The following MTMR6 variants were observed in gnomAD, a reference collection of about 807,000 sequenced individuals.
MTMR6 encodes the protein myotubularin related protein 6.
MTMR6 carries 47 observed loss-of-function variants against 80.1 expected under a neutral mutation model. That is an observed-to-expected ratio of 0.59 (90% CI 0.46 to 0.75). The LOEUF (loss-of-function observed/expected upper bound fraction) is 0.75. Ranked by LOEUF, MTMR6 falls within the 30% of genes least tolerant of loss-of-function variation. MTMR6 has a pLI of 0.00. For synonymous variants in MTMR6, 254 were observed against 253.0 expected, an observed-to-expected ratio of 1.00 and a Z score of -0.04; for missense variants, 629 against 730.9, an observed-to-expected ratio of 0.86 and a Z score of 1.61.
At chr13:25,279,215 G>T (rs1319751591) in intron 1 of MTMR6, among the ~76,000 whole-genome samples, 1 of 152,146 alleles carries the variant, frequency 6.6e-6, no homozygotes, top group African/African-American at 2.4e-5. Context: ...CTGGTGGGAG[G>T]TGATTGGATC....
In MTMR6 at chr13:25,257,264, T is replaced by A; in HGVS notation, c.1027A>T (p.Thr343Ser). 1.2e-6 allele frequency: 2 copies of A among 1,613,886 alleles called. No homozygotes were observed. The highest frequency in any genetic ancestry group is 2.2e-5 in the South Asian group (2 of 91,078). ...LVHCSDGWDR[T>S]SQVCSLGSLL... The stretch of plus-strand genomic sequence containing the variant: ...GAACCCAGGGAACAAACCTGGGAAG[T>A]CCTATCCCAACCATCGGAACAATGC... Residue 343 changes from threonine to serine, a missense_variant, in exon 9 of 14, where the codon ACT becomes TCT. Transcript: ENST00000381801.
intron 10 of MTMR6, 71 bp from the exon 11 acceptor site, chr13:25,254,035 T>A: frequency 6.9e-7 from 1 of 1,448,242 alleles, no homozygotes; most frequent in Non-Finnish European, 9.5e-7. Flanking sequence ...TTGTTAATCT[T>A]AAACATACAA....
rs1566032287 is a variant in MTMR6, at chr13:25,247,513, G to A, written c.*1719C>T. The A allele has an allele frequency of 1.3e-5, 2 of 152,258 alleles. No homozygotes were observed. The highest frequency in any genetic ancestry group is 2.9e-5 in the Non-Finnish European group (2 of 68,008). 9.4% of individuals were successfully genotyped at this position (152,258 alleles called of 1,614,324 possible). On this transcript the variant is annotated 3_prime_UTR_variant, in exon 14 of 14. Transcript: ENST00000381801. ...GATAATAAACCAGAGTTGAATACAAGAAGTCAGCCACAGAAGATTCTAAAA... is the reference window on the plus strand; with the variant it reads ...GATAATAAACCAGAGTTGAATACAAAAAGTCAGCCACAGAAGATTCTAAAA...
In MTMR6 at chr13:25,247,465, A is replaced by G. The variant is rs8262; in HGVS notation, c.*1767T>C. 97,133 of 152,468 alleles carry G rather than the reference A, an allele frequency of 0.64. 35,596 individuals carry two copies. The highest frequency in any genetic ancestry group is 0.84 in the Non-Finnish European group (56,816 of 67,978). The allele number at this position is 152,468 out of a possible 1,614,324, so 9.4% of individuals were successfully genotyped here. On this transcript the variant is annotated 3_prime_UTR_variant, in exon 14 of 14. Coordinates refer to ENST00000381801, the MANE Select transcript of MTMR6 (RefSeq NM_004685.5). ...CCTGTGAGCATATAAACACACAAAT[A>G]TATGTCTGAAGTTGAAGATTAAGAT...
chr13:25,257,661 G>T, intron 8 of MTMR6, 75 bp downstream of exon 8: 1 of 1,031,680 alleles, frequency 9.7e-7, no homozygotes. Context: ...ATAGATACCA[G>T]CCCCCAACAG....
At chr13:25,253,523 C>T (rs1248275373) in intron 11 of MTMR6, among the ~76,000 whole-genome samples, 4 of 152,118 alleles carry the variant, frequency 2.6e-5, no homozygotes, top group Non-Finnish European at 5.9e-5. Flanking sequence ...TCACACTTAA[C>T]GCTCTATGTA....
rs768905988 is a variant in MTMR6, at chr13:25,254,366, C to CT, written c.1145+18dup. 2.6e-6 allele frequency: 4 copies of CT among 1,530,826 alleles called. No homozygotes were observed. The South Asian group carries it at 3.4e-5, about 13-fold the overall frequency. The allele number at this position is 1,530,826 out of a possible 1,614,324, so 94.8% of individuals were successfully genotyped here. ...TTTACTAATTTTATAAAATATATGA[C>CT]TGTGTAACTGTGACTCACCTCTCTG... On this transcript the variant is annotated intron_variant, in intron 10 of 13. Coordinates refer to ENST00000381801, the MANE Select transcript of MTMR6 (RefSeq NM_004685.5).
rs1219928795 is a variant in MTMR6 at position 25,253,943 on chromosome 13, G to A, written c.1167C>T (p.Asp389=). 6.2e-7 allele frequency: 1 copy of A among 1,614,114 alleles called. No individual in the cohort carries two copies. The highest frequency in any genetic ancestry group is 1.7e-5 in the Admixed American group (1 of 60,010). The stretch of plus-strand genomic sequence containing the variant: ...TAAACACTGGTGAGACTTCCTTTGG[G>A]TCACCATCCAACTGGCCACACCTAA... The part of the protein sequence containing the change: ...FSERCGQLDG[D]PKEVSPVFTQ... Residue 389 remains aspartate (D), a synonymous_variant, in exon 11 of 14, where the codon GAC becomes GAT. Transcript: ENST00000381801.
At chr13:25,281,829 A>G (rs566233973) in intron 1 of MTMR6, among the ~76,000 whole-genome samples, 24 of 152,320 alleles carry the variant, frequency 1.6e-4, no homozygotes, top group African/African-American at 5.3e-4. Flanking sequence ...ATGTATCCCA[A>G]TTTCTAGAAC....
At chr13:25,281,269 A>G (rs777213081) in intron 1 of MTMR6, among the ~76,000 whole-genome samples, 12 of 152,092 alleles carry the variant, frequency 7.9e-5, no homozygotes, top group Admixed American at 2.6e-4. Flanking sequence ...CCCAGGAGGT[A>G]GAGGCTGCAA....
In MTMR6 at chr13:25,287,482, C is replaced by T. The variant is rs1957978103; in HGVS notation, c.-235G>A. 4 of 566,950 alleles carry T rather than the reference C, an allele frequency of 7.1e-6. No homozygotes were observed. The highest frequency in any genetic ancestry group is 1.3e-5 in the Non-Finnish European group (4 of 315,688). 35.1% of individuals were successfully genotyped at this position (566,950 alleles called of 1,614,324 possible). On this transcript the variant is annotated 5_prime_UTR_variant, in exon 1 of 14. Transcript: ENST00000381801. ...GGGGACTCGGGGCAGGCAGACAGAGCGTGTGTGGACCGAGAGCGGCTTGCT... is the reference window on the plus strand; with the variant it reads ...GGGGACTCGGGGCAGGCAGACAGAGTGTGTGTGGACCGAGAGCGGCTTGCT...
At position 25,251,447 on chromosome 13, in the gene MTMR6, T is replaced by C. The variant is rs1436302211; in HGVS notation, c.1605+202A>G. Among the ~76,000 whole-genome samples, 4 of 152,252 alleles carry C rather than the reference T, an allele frequency of 2.6e-5. No homozygotes were observed. Among genetic ancestry groups the C allele is most frequent in the African/African-American group, 7.2e-5 (3 of 41,472 alleles). Reference sequence around the variant, plus strand: ...ATGTTTATCTATACGTTATGCTATATACTTCCGGTATTTTAATGTATTTTA... The same window carrying C: ...ATGTTTATCTATACGTTATGCTATACACTTCCGGTATTTTAATGTATTTTA... On this transcript the variant is annotated intron_variant, in intron 13 of 13. Transcript: ENST00000381801. This position sits in a 1 kb window ranked among gnomAD's most constrained non-coding sequence, Gnocchi z 4.1.
At chr13:25,270,540 TA>T (rs1367062682) in intron 2 of MTMR6, among the ~76,000 whole-genome samples, 1 of 152,102 alleles carries the variant, frequency 6.6e-6, no homozygotes, top group Non-Finnish European at 1.5e-5. Context: ...AGATGGATAA[TA>T]GAGAAAATAC....
At chr13:25,269,067 G>A (rs2137580759) in intron 2 of MTMR6, among the ~76,000 whole-genome samples, 1 of 152,272 alleles carries the variant, frequency 6.6e-6, no homozygotes. Flanking sequence ...GCCCCTAGCT[G>A]CCTTGGCCCC....
chr13:25,284,008 A>T (rs926005967), intron 1 of MTMR6, among the ~76,000 whole-genome samples: 2 of 152,252 alleles, frequency 1.3e-5, no homozygotes, highest in African/African-American at 4.8e-5. Context: ...TGACCAAAAC[A>T]GAATGATAAA....
intron 1 of MTMR6, among the ~76,000 whole-genome samples, chr13:25,277,651 T>C (rs1418742572): frequency 1.3e-5 from 2 of 152,240 alleles, no homozygotes; most frequent in Admixed American, 6.5e-5. Context: ...TCAGTAATTC[T>C]TGAATAAACC....
chr13:25,253,812 T>C lies in MTMR6; in HGVS notation c.1298A>G (p.Gln433Arg), dbSNP rs1044879824. Residue 433 changes from glutamine (Q) to arginine (R), a missense_variant, in exon 11 of 14, where the codon CAG (glutamine) becomes CGG (arginine). Transcript: ENST00000381801. ...LQIHEHIHSC[Q>R]FGNFLGNCQK... ...ACAATTTCCAAGGAAGTTTCCAAAC[T>C]GGCATGAATGAATATGCTCATGGAT... 1 of 1,614,146 alleles carries C rather than the reference T, an allele frequency of 6.2e-7. No individual in the cohort carries two copies. Among genetic ancestry groups the C allele is most frequent in the Non-Finnish European group, 8.5e-7 (1 of 1,180,008 alleles).
intron 1 of MTMR6, among the ~76,000 whole-genome samples, chr13:25,284,943 C>T (rs1957925860): frequency 6.6e-6 from 1 of 152,180 alleles, no homozygotes; most frequent in Non-Finnish European, 1.5e-5. Context: ...CTTAATATTA[C>T]TCCAGAGTAG....
At chr13:25,254,550 A>C in intron 9 of MTMR6, 116 bp from the exon 10 acceptor site, 1 of 707,652 alleles carries the variant, frequency 1.4e-6, no homozygotes, top group Non-Finnish European at 2.3e-6. Context: ...ACTTATAAAC[A>C]AAACAGCACA....
Sources: gnomAD v4.1 joint callset for allele counts (sites outside exome capture counted in the v4.1 genomes callset) on GRCh38, gnomAD v4.1.1 for gene constraint, Gnocchi (gnomAD v3.1) non-coding constraint, MANE v1.5 for transcripts, NCBI Gene and HGNC (gene_info 2026-07-23, HGNC 2026-07-21) for gene names.